Variants in PARD3B observed in about 807,000 individuals in gnomAD.
PARD3B encodes the protein partitioning defective 3 homolog B.
A neutral mutation model predicts 130.2 loss-of-function variants in PARD3B; 103 were observed. That is an observed-to-expected ratio of 0.79 (90% CI 0.67 to 0.93). PARD3B has a LOEUF of 0.93. Among genes scored for constraint, PARD3B ranks in the 40% least tolerant of loss-of-function variants. The pLI is 0.00. For missense variants in PARD3B, 1,609 were observed against 1,499.2 expected, an observed-to-expected ratio of 1.07 and a Z score of -1.21; for synonymous variants, 583 against 553.2, an observed-to-expected ratio of 1.05 and a Z score of -0.76.
chr2:204,836,041 G>C (rs184238760), intron 2 of PARD3B, among the ~76,000 whole-genome samples: 19 of 152,330 alleles, frequency 1.2e-4, no homozygotes, highest in Non-Finnish European at 2.5e-4. Flanking sequence ...AACATGAAGT[G>C]AAGGATGCAT....
At chr2:205,237,909 C>A (rs2039142133) in intron 15 of PARD3B, among the ~76,000 whole-genome samples, 1 of 152,192 alleles carries the variant, frequency 6.6e-6, no homozygotes, top group Non-Finnish European at 1.5e-5. Context: ...ATTACCTTCT[C>A]CTACCCTTCC....
chr2:205,125,929 T>C lies in PARD3B; in HGVS notation c.1434+192T>C, dbSNP rs760929998. ...CATTGATACAGCCAGTGGGTATATG[T>C]AAACAGTGATTCCGGGGCACAGATT... On this transcript the variant is annotated intron_variant, in intron 10 of 22. Transcript: ENST00000406610. This position sits in a 1 kb window ranked among gnomAD's most constrained non-coding sequence, Gnocchi z 4.0. Among the ~76,000 whole-genome samples, 9 of 152,216 alleles carry C rather than the reference T, an allele frequency of 5.9e-5. No homozygotes were observed. The highest frequency in any genetic ancestry group is 1.2e-4 in the Non-Finnish European group (8 of 68,044).
At chr2:205,048,490 A>G (rs1344636734) in intron 4 of PARD3B, 6 of 152,208 alleles carry the variant, frequency 3.9e-5, no homozygotes, top group African/African-American at 1.4e-4. Context: ...AATTTTGGCT[A>G]ATGACTATAT....
In PARD3B at chr2:204,803,181, T is replaced by TAA. The variant is rs1553528221; in HGVS notation, c.222+116900_222+116901dup. On this transcript the variant is annotated intron_variant, in intron 2 of 22. Transcript: ENST00000406610. ...AAAAAAAAATATATATATATATATA[T>TAA]AATCCTAGATAGTATATCCAGCAAA... 7.2e-4 allele frequency among the ~76,000 whole-genome samples: 104 copies of TAA among 144,118 alleles called. 1 individual carries two copies. The highest frequency in any genetic ancestry group is 2.2e-3 in the African/African-American group (89 of 39,898). 94.5% of individuals were successfully genotyped at this position (144,118 alleles called of 152,430 possible).
intron 10 of PARD3B, among the ~76,000 whole-genome samples, chr2:205,133,367 C>A (rs1161488748): frequency 6.6e-6 from 1 of 152,160 alleles, no homozygotes; most frequent in East Asian, 1.9e-4. Context: ...AGTGTGGTCT[C>A]AGGCTAGTAG....
Position 204,983,971 on chromosome 2 carries a change from A to G in PARD3B, c.394+18648A>G, listed in dbSNP as rs563974721. On this transcript the variant is annotated intron_variant, in intron 3 of 22. Transcript: ENST00000406610. ...AGTACCCGTCCCCTCCTCTGTATGGACCTTCCTTGTCGCCTCTCTAAAAAG... is the reference window on the plus strand; with the variant it reads ...AGTACCCGTCCCCTCCTCTGTATGGGCCTTCCTTGTCGCCTCTCTAAAAAG... Among the ~76,000 whole-genome samples the G allele has an allele frequency of 3.3e-5, 5 of 151,736 alleles. No individual in the cohort carries two copies. In the South Asian group the frequency reaches 1.0e-3, roughly 32 times the overall value.
chr2:204,825,497 C>T (rs1023455718), intron 2 of PARD3B, among the ~76,000 whole-genome samples: 9 of 152,138 alleles, frequency 5.9e-5, no homozygotes, highest in Admixed American at 2.0e-4. Flanking sequence ...TTGCCACAGC[C>T]GACTTTCTTC....
At chr2:205,502,594 G>T (rs2050196979) in intron 21 of PARD3B, among the ~76,000 whole-genome samples, 1 of 152,084 alleles carries the variant, frequency 6.6e-6, no homozygotes, top group Non-Finnish European at 1.5e-5. Flanking sequence ...TGGTTGAAAG[G>T]CCCGATGAGT....
At chr2:205,016,419 C>T (rs1419411810) in intron 3 of PARD3B, among the ~76,000 whole-genome samples, 1 of 152,190 alleles carries the variant, frequency 6.6e-6, no homozygotes, top group African/African-American at 2.4e-5. Flanking sequence ...ACTTACCCAA[C>T]TCTCATTCCC....
chr2:205,164,429 G>T (rs1392096151), intron 11 of PARD3B, among the ~76,000 whole-genome samples: 1 of 152,084 alleles, frequency 6.6e-6, no homozygotes, highest in Non-Finnish European at 1.5e-5. Flanking sequence ...AATAGTCACT[G>T]TGCTCTAGGC....
At chr2:204,583,709 A>T (rs2032692432) in intron 1 of PARD3B, among the ~76,000 whole-genome samples, 1 of 152,050 alleles carries the variant, frequency 6.6e-6, no homozygotes, top group Non-Finnish European at 1.5e-5. Flanking sequence ...CCTGCGTGAG[A>T]ATCCCCTCGG....
chr2:204,738,743 G>C (rs1030191413), intron 2 of PARD3B, among the ~76,000 whole-genome samples: 1 of 152,144 alleles, frequency 6.6e-6, no homozygotes, highest in East Asian at 1.9e-4. Context: ...TGCTCCTAGA[G>C]GGTGCCCCAA....
intron 18 of PARD3B, among the ~76,000 whole-genome samples, chr2:205,377,546 G>A (rs573699311): frequency 6.6e-6 from 1 of 152,166 alleles, no homozygotes; most frequent in Admixed American, 6.5e-5. Context: ...ATGGGAGGGA[G>A]ATCCCCAGCC....
In PARD3B at chr2:205,461,277, C is replaced by T. The variant is rs1160070756; in HGVS notation, c.3044+20605C>T. ...AAAGGCACTCTGGGCAGAGGAGCAGCATGGGGGATGCCCTGATGTGGAAAG... is the reference window on the plus strand; with the variant it reads ...AAAGGCACTCTGGGCAGAGGAGCAGTATGGGGGATGCCCTGATGTGGAAAG... On this transcript the variant is annotated intron_variant, in intron 20 of 22. Transcript: ENST00000406610. This position sits in a 1 kb window ranked among gnomAD's most constrained non-coding sequence, Gnocchi z 4.3. 2.6e-5 allele frequency among the ~76,000 whole-genome samples: 4 copies of T among 152,278 alleles called. No individual in the cohort carries two copies. Among genetic ancestry groups the T allele is most frequent in the Non-Finnish European group, 4.4e-5 (3 of 68,036 alleles).
chr2:205,605,231 G>T lies in PARD3B; in HGVS notation c.3261-10225G>T, dbSNP rs529300807. 5.3e-4 allele frequency among the ~76,000 whole-genome samples: 80 copies of T among 152,264 alleles called. 1 individual carries two copies. The highest frequency in any genetic ancestry group is 2.4e-3 in the Admixed American group (37 of 15,292). On this transcript the variant is annotated intron_variant, in intron 22 of 22. Transcript: ENST00000406610. ...TATCAATTCATCCATCCCAGCCTCT[G>T]CCCAGTTCTGTGCTCTTGCTGGAGA...
chr2:205,330,127 G>A (rs1439573739), intron 18 of PARD3B, among the ~76,000 whole-genome samples: 1 of 151,780 alleles, frequency 6.6e-6, no homozygotes, highest in Non-Finnish European at 1.5e-5. Context: ...GATCACCTGT[G>A]GTCAGGAGTT....
At position 205,300,434 on chromosome 2, in the gene PARD3B, T is replaced by G; in HGVS notation, c.2186-96T>G. The stretch of plus-strand genomic sequence containing the variant: ...AACTCCCACCCACTTAACACCCCTT[T>G]TTTGGGATGTCCAGACAGAAATATT... On this transcript the variant is annotated intron_variant, in intron 16 of 22. Coordinates refer to ENST00000406610, the MANE Select transcript of PARD3B (RefSeq NM_001302769.2). This position sits in a 1 kb window ranked among gnomAD's most constrained non-coding sequence, Gnocchi z 4.1. 8.3e-7 allele frequency: 1 copy of G among 1,198,632 alleles called. No individual in the cohort carries two copies. Among genetic ancestry groups the G allele is most frequent in the Non-Finnish European group, 1.2e-6 (1 of 826,262 alleles). 74.2% of individuals were successfully genotyped at this position (1,198,632 alleles called of 1,614,324 possible).
intron 1 of PARD3B, among the ~76,000 whole-genome samples, chr2:204,603,346 T>G (rs2033589613): frequency 6.6e-6 from 1 of 152,116 alleles, no homozygotes; most frequent in Non-Finnish European, 1.5e-5. Context: ...TTGAAGTAAT[T>G]TGTAGGTCAT....
intron 20 of PARD3B, among the ~76,000 whole-genome samples, chr2:205,499,258 A>T (rs112399087): frequency 6.6e-6 from 1 of 152,126 alleles, no homozygotes; most frequent in Admixed American, 6.5e-5. Context: ...TACTGGCTAA[A>T]GTACAGAGAG....
Sources: allele counts gnomAD v4.1 joint callset (sites outside exome capture counted in the v4.1 genomes callset), GRCh38; gene constraint gnomAD v4.1.1; non-coding constraint Gnocchi (gnomAD v3.1); transcripts MANE v1.5; gene names NCBI Gene and HGNC (gene_info 2026-07-23, HGNC 2026-07-21).